The following RIC1 variants were observed in gnomAD, a reference collection of about 807,000 sequenced individuals.
RIC1 encodes the protein RIC1 partner of RAB6A GEF complex.
A neutral mutation model predicts 169.0 loss-of-function variants in RIC1; 88 were observed. The observed-to-expected ratio is 0.52, with a 90% CI of 0.44 to 0.62. The LOEUF (loss-of-function observed/expected upper bound fraction) is 0.62. Ranked by LOEUF, RIC1 falls within the 20% of genes least tolerant of loss-of-function variation. RIC1 has a pLI of 0.00. For missense variants in RIC1, 1,877 were observed against 1,725.5 expected (o/e 1.09, Z -1.56); for synonymous variants, 790 against 601.5 (o/e 1.31, Z -4.59).
At chr9:5,644,576 A>G (rs370503122) in intron 1 of RIC1, among the ~76,000 whole-genome samples, 3 of 152,144 alleles carry the variant, frequency 2.0e-5, no homozygotes, top group Non-Finnish European at 4.4e-5. Context: ...TCCACACTCT[A>G]TGTCCATGTG....
chr9:5,754,779 T>C (rs959097630), intron 14 of RIC1, 62 bp from the exon 15 acceptor site: 7 of 969,406 alleles, frequency 7.2e-6, no homozygotes, highest in Non-Finnish European at 9.3e-6. Context: ...TTTATAAATA[T>C]ATTACTTTGT....
At chr9:5,704,767 C>G (rs995697298) in intron 3 of RIC1, among the ~76,000 whole-genome samples, 1 of 151,750 alleles carries the variant, frequency 6.6e-6, no homozygotes, top group African/African-American at 2.4e-5. Context: ...ACAATTTACG[C>G]CTATATTTTC....
At chr9:5,734,557 G>GA (rs1824579072) in intron 7 of RIC1, among the ~76,000 whole-genome samples, 1 of 151,918 alleles carries the variant, frequency 6.6e-6, no homozygotes, top group Admixed American at 6.6e-5. Context: ...TTCACATTGT[G>GA]AAACAAAAAT....
At chr9:5,778,541 G>C (rs1213817682), downstream of RIC1, among the ~76,000 whole-genome samples, 1 of 152,130 alleles carries the variant, frequency 6.6e-6, no homozygotes, top group Non-Finnish European at 1.5e-5. Flanking sequence ...GCTTTATCTG[G>C]TTGAGGATGT....
chr9:5,697,479 G>C (rs568957813), intron 3 of RIC1, among the ~76,000 whole-genome samples: 1 of 152,322 alleles, frequency 6.6e-6, no homozygotes, highest in East Asian at 1.9e-4. Flanking sequence ...ATGACCATCT[G>C]TGTGTCCATC....
intron 12 of RIC1, 48 bp downstream of exon 12, chr9:5,747,553 A>G: frequency 6.9e-7 from 1 of 1,454,888 alleles, no homozygotes; most frequent in Middle Eastern, 1.8e-4. Flanking sequence ...TTGATAGGAT[A>G]TCACCTGGAA....
At chr9:5,664,775 C>T (rs1190755999) in intron 2 of RIC1, among the ~76,000 whole-genome samples, 1 of 152,234 alleles carries the variant, frequency 6.6e-6, no homozygotes, top group Non-Finnish European at 1.5e-5. Context: ...AGTTTATTTA[C>T]ATAATCCCAC....
Position 5,775,242 on chromosome 9 carries a change from T to C in RIC1, c.*996T>C, listed in dbSNP as rs1586743196. The stretch of plus-strand genomic sequence containing the variant: ...GAATAAAGATGGACTTCTATGTAAA[T>C]AGACTGCTGAATCCTGTATTACCAC... On this transcript the variant is annotated 3_prime_UTR_variant, in exon 26 of 26. Coordinates refer to ENST00000414202, the MANE Select transcript of RIC1 (RefSeq NM_020829.4). 1.3e-5 allele frequency: 2 copies of C among 152,220 alleles called. No homozygotes were observed. The highest frequency in any genetic ancestry group is 6.5e-5 in the Admixed American group (1 of 15,278). 9.4% of individuals were successfully genotyped at this position (152,220 alleles called of 1,614,324 possible).
At chr9:5,767,728 C>G (rs935421854) in intron 21 of RIC1, among the ~76,000 whole-genome samples, 4 of 152,128 alleles carry the variant, frequency 2.6e-5, no homozygotes, top group African/African-American at 9.7e-5. Context: ...GCTGGGATTA[C>G]AGGCATGCAC....
At chr9:5,714,734 G>T (rs900213860) in intron 4 of RIC1, among the ~76,000 whole-genome samples, 1 of 152,106 alleles carries the variant, frequency 6.6e-6, no homozygotes, top group African/African-American at 2.4e-5. Context: ...AGGGAGATGA[G>T]GTATCTCCAT....
intron 6 of RIC1, among the ~76,000 whole-genome samples, chr9:5,721,863 G>A (rs1485686566): frequency 6.7e-6 from 1 of 150,288 alleles, no homozygotes; most frequent in African/African-American, 2.4e-5. Context: ...CATATTAGCT[G>A]TTCTGTTCAT....
chr9:5,716,148 A>T (rs1823230996), intron 4 of RIC1, among the ~76,000 whole-genome samples: 1 of 152,148 alleles, frequency 6.6e-6, no homozygotes, highest in Admixed American at 6.5e-5. Flanking sequence ...CCCAGCCAAG[A>T]TCCTAAATTT....
chr9:5,699,334 G>A (rs746250686), intron 3 of RIC1, among the ~76,000 whole-genome samples: 3 of 152,144 alleles, frequency 2.0e-5, no homozygotes, highest in South Asian at 2.1e-4. Context: ...GTGTGAGTGC[G>A]CCCTCCAATG....
At chr9:5,733,425 A>G (rs993552755) in intron 7 of RIC1, among the ~76,000 whole-genome samples, 4 of 151,704 alleles carry the variant, frequency 2.6e-5, no homozygotes, top group Non-Finnish European at 5.9e-5. Flanking sequence ...CACCATGCCC[A>G]GCTAATTTTT....
intron 1 of RIC1, among the ~76,000 whole-genome samples, chr9:5,640,299 A>G (rs956818667): frequency 3.3e-5 from 5 of 152,174 alleles, no homozygotes; most frequent in African/African-American, 9.7e-5. Flanking sequence ...TTTTAAACTC[A>G]CGACAACTTA....
At chr9:5,648,885 T>C (rs1818661130) in intron 1 of RIC1, among the ~76,000 whole-genome samples, 1 of 152,248 alleles carries the variant, frequency 6.6e-6, no homozygotes, top group African/African-American at 2.4e-5. Context: ...TTTGAGTTCC[T>C]TGTATATTCT....
chr9:5,769,945 A>G, intron 22 of RIC1, 142 bp from the exon 23 acceptor site: 2 of 661,158 alleles, frequency 3.0e-6, no homozygotes, highest in South Asian at 2.2e-5. Context: ...GGGGTGGCTG[A>G]TACAGTACAG....
intron 17 of RIC1, among the ~76,000 whole-genome samples, chr9:5,760,543 T>G (rs142381036): frequency 1.9e-4 from 29 of 152,300 alleles, no homozygotes; most frequent in Non-Finnish European, 3.4e-4. Flanking sequence ...TTGAAGTGTT[T>G]TAGTGTATGC....
intron 1 of RIC1, among the ~76,000 whole-genome samples, chr9:5,643,361 G>A (rs912873026): frequency 6.6e-6 from 1 of 152,020 alleles, no homozygotes; most frequent in Non-Finnish European, 1.5e-5. Flanking sequence ...TGAGAACCAG[G>A]AGTTTGAGTG....
Sources: allele counts gnomAD v4.1 joint callset (sites outside exome capture counted in the v4.1 genomes callset), GRCh38; gene constraint gnomAD v4.1.1; transcripts MANE v1.5; gene names NCBI Gene and HGNC (gene_info 2026-07-23, HGNC 2026-07-21).